The following ELAVL1 variants were observed in gnomAD, a reference collection of about 807,000 sequenced individuals.
The protein encoded by ELAVL1 is ELAV like RNA binding protein 1.
ELAVL1 carries 1 observed loss-of-function variant against 28.4 expected under a neutral mutation model. The observed-to-expected ratio is 0.04, with a 90% confidence interval of 0.01 to 0.17. The LOEUF (loss-of-function observed/expected upper bound fraction) is 0.17. ELAVL1 is among the 10% of genes least tolerant of loss of function. The pLI, the probability that ELAVL1 is intolerant of heterozygous loss-of-function variation, is 1.00. For missense variants in ELAVL1, 157 were observed against 447.2 expected, an observed-to-expected ratio of 0.35 and a Z score of 5.85; for synonymous variants, 174 against 183.5, an observed-to-expected ratio of 0.95 and a Z score of 0.42.
intron 1 of ELAVL1, among the ~76,000 whole-genome samples, chr19:7,994,063 C>A (rs1218898524): frequency 6.6e-6 from 1 of 152,080 alleles, no homozygotes; most frequent in Non-Finnish European, 1.5e-5. Context: ...AGTAGGTTAG[C>A]ATCAAAAGCC....
At position 8,002,809 on chromosome 19, in the gene ELAVL1, A is replaced by T. The variant is rs1456554020; in HGVS notation, c.-17+2686T>A. Among the ~76,000 whole-genome samples, 3 of 151,956 alleles carry T rather than the reference A, an allele frequency of 2.0e-5. No homozygotes were observed. In the East Asian group the frequency reaches 5.8e-4, roughly 29 times the overall value. On this transcript the variant is annotated intron_variant, in intron 1 of 5. Coordinates refer to ENST00000407627, the MANE Select transcript of ELAVL1 (RefSeq NM_001419.3). ...GGCTGCAACAGGCAGGGAGGGTTAG[A>T]GTTTGGGGTCTACGTGCAGGGGCGG...
intron 4 of ELAVL1, among the ~76,000 whole-genome samples, chr19:7,972,004 A>G (rs1045413233): frequency 2.0e-5 from 3 of 152,204 alleles, no homozygotes; most frequent in African/African-American, 7.2e-5. Flanking sequence ...TGTTCTCTCA[A>G]AAAGAGGTCA....
At chr19:7,974,304 C>T (rs1172351779) in intron 3 of ELAVL1, among the ~76,000 whole-genome samples, 1 of 152,274 alleles carries the variant, frequency 6.6e-6, no homozygotes, top group African/African-American at 2.4e-5. Context: ...TGCCAAAGAG[C>T]AAGCTCGCCA....
chr19:7,990,681 G>C (rs1453694660), intron 2 of ELAVL1, among the ~76,000 whole-genome samples: 1 of 152,118 alleles, frequency 6.6e-6, no homozygotes, highest in African/African-American at 2.4e-5. Flanking sequence ...TGAGTTTTCA[G>C]TATAGGGAAT....
chr19:7,965,465 C>T (rs1049251434), intron 5 of ELAVL1, among the ~76,000 whole-genome samples: 1 of 152,092 alleles, frequency 6.6e-6, no homozygotes, highest in African/African-American at 2.4e-5. Context: ...TCCTCCAACC[C>T]AATTCTTTTC....
At chr19:7,991,610 T>C (rs1416252196) in intron 2 of ELAVL1, 34 bp downstream of exon 2, 1 of 1,591,222 alleles carries the variant, frequency 6.3e-7, no homozygotes, top group African/African-American at 1.3e-5. Flanking sequence ...TGGCCACCAA[T>C]ACCCGGTTTA....
Position 7,983,995 on chromosome 19 carries a change from C to T in ELAVL1, c.173-2809G>A, listed in dbSNP as rs115250257. Among the ~76,000 whole-genome samples, 1,486 of 152,236 alleles carry T rather than the reference C, an allele frequency of 9.8e-3. 25 individuals carry two copies. Among genetic ancestry groups the T allele is most frequent in the African/African-American group, 0.035 (1,435 of 41,546 alleles). On this transcript the variant is annotated intron_variant, in intron 2 of 5. Coordinates refer to ENST00000407627, the MANE Select transcript of ELAVL1 (RefSeq NM_001419.3). ...GTCTCCCTGGCTGTCCCTCCTCAGG[C>T]TCCTCACTCCCTGTCCATTCCATGG... is the stretch of plus-strand genomic sequence containing the variant.
chr19:7,959,775 T>C lies in ELAVL1; in HGVS notation c.*3708A>G, dbSNP rs568729970. 6.6e-5 allele frequency: 10 copies of C among 152,204 alleles called. No homozygotes were observed. The East Asian group carries it at 1.7e-3, about 26-fold the overall frequency. The allele number at this position is 152,204 out of a possible 1,614,324, so 9.4% of individuals were successfully genotyped here. On this transcript the variant is annotated 3_prime_UTR_variant, in exon 6 of 6. Coordinates refer to ENST00000407627, the MANE Select transcript of ELAVL1 (RefSeq NM_001419.3). ...TGACTTCAGGGCTGTCTTGCGAAGT[T>C]TGGGGACAGGAACCCCTGACCCCCA...
At chr19:7,964,723 T>C (rs1252007850) in intron 5 of ELAVL1, among the ~76,000 whole-genome samples, 1 of 151,976 alleles carries the variant, frequency 6.6e-6, no homozygotes, top group African/African-American at 2.4e-5. Flanking sequence ...TAAAATAAAA[T>C]AAAGCCTTCT....
At chr19:7,993,984 T>C (rs1216650499) in intron 1 of ELAVL1, among the ~76,000 whole-genome samples, 1 of 152,170 alleles carries the variant, frequency 6.6e-6, no homozygotes, top group African/African-American at 2.4e-5. Context: ...TCAGACAATG[T>C]GGAAAATCAG....
intron 2 of ELAVL1, among the ~76,000 whole-genome samples, chr19:7,984,115 G>A (rs1985537964): frequency 6.6e-6 from 1 of 152,134 alleles, no homozygotes; most frequent in Non-Finnish European, 1.5e-5. Context: ...ATCACCGAGG[G>A]AGTCGCACAC....
At chr19:7,990,865 T>C (rs1985733020) in intron 2 of ELAVL1, among the ~76,000 whole-genome samples, 2 of 152,158 alleles carry the variant, frequency 1.3e-5, no homozygotes, top group South Asian at 2.1e-4. Context: ...GCACATGGTC[T>C]GTCCGTAATT....
chr19:7,978,348 G>A (rs1314548376), intron 3 of ELAVL1, among the ~76,000 whole-genome samples: 1 of 152,226 alleles, frequency 6.6e-6, no homozygotes, highest in Non-Finnish European at 1.5e-5. Context: ...CTGGGGCTGT[G>A]AGCTGGGCGA....
In ELAVL1 at chr19:7,991,894, C is replaced by T. The variant is rs1393139498; in HGVS notation, c.-16-63G>A. The T allele has an allele frequency of 2.4e-6, 3 of 1,275,906 alleles. No individual in the cohort carries two copies. In the East Asian group the frequency reaches 7.9e-5, roughly 33 times the overall value. The allele number at this position is 1,275,906 out of a possible 1,614,324, so 79.0% of individuals were successfully genotyped here. A position where few individuals can be genotyped will look rare whatever the true frequency, so the allele number is the denominator to read the frequency against. On this transcript the variant is annotated intron_variant, in intron 1 of 5. Coordinates refer to ENST00000407627, the MANE Select transcript of ELAVL1 (RefSeq NM_001419.3). ...CATATTGCAGTATATGAAGGCAAAA[C>T]TAGTAACTGCATTTGCACTTAGAGA...
chr19:7,987,451 C>T (rs1985637408), intron 2 of ELAVL1, among the ~76,000 whole-genome samples: 2 of 152,180 alleles, frequency 1.3e-5, no homozygotes, highest in Admixed American at 6.5e-5. Context: ...GCCTCCTTAG[C>T]TGGTGTTTGT....
intron 1 of ELAVL1, among the ~76,000 whole-genome samples, chr19:8,001,346 A>G (rs1425403326): frequency 6.6e-6 from 1 of 152,088 alleles, no homozygotes; most frequent in African/African-American, 2.4e-5. Context: ...GACCTAATCA[A>G]GCACCATGTC....
chr19:7,990,559 G>A (rs138391408), intron 2 of ELAVL1, among the ~76,000 whole-genome samples: 4 of 151,272 alleles, frequency 2.6e-5, no homozygotes, highest in Non-Finnish European at 4.4e-5. Context: ...GTAAAGATGG[G>A]GTTTCACCAT....
chr19:7,967,374 A>G (rs1413369923), intron 5 of ELAVL1, among the ~76,000 whole-genome samples, 191 bp downstream of exon 5: 1 of 152,194 alleles, frequency 6.6e-6, no homozygotes, highest in Admixed American at 6.5e-5. Context: ...ACAACGCCCA[A>G]TCGGAAGTAA....
intron 1 of ELAVL1, among the ~76,000 whole-genome samples, chr19:8,005,046 C>T (rs1313728387): frequency 6.6e-6 from 1 of 152,172 alleles, no homozygotes; most frequent in African/African-American, 2.4e-5. Context: ...GACCTCGCAC[C>T]GGCCGCGGTG....
Sources: gnomAD v4.1 joint callset for allele counts (sites outside exome capture counted in the v4.1 genomes callset) on GRCh38, gnomAD v4.1.1 for gene constraint, MANE v1.5 for transcripts, NCBI Gene and HGNC (gene_info 2026-07-23, HGNC 2026-07-21) for gene names.